The following HACE1 variants were observed in gnomAD, a reference collection of about 807,000 sequenced individuals.
The protein encoded by HACE1 is HECT domain and ankyrin repeat containing E3 ubiquitin protein ligase 1.
A neutral mutation model predicts 118.4 loss-of-function variants in HACE1; 73 were observed. The ratio of observed to expected loss-of-function variants is 0.62; its 90% CI spans 0.51 to 0.75. The LOEUF (loss-of-function observed/expected upper bound fraction) is 0.75. HACE1 is among the 30% of genes least tolerant of loss of function. The pLI is 0.00. For missense variants in HACE1, 749 were observed against 1,102.2 expected (o/e 0.68, Z 4.54); for synonymous variants, 368 against 374.8 (o/e 0.98, Z 0.21).
Position 104,859,829 on chromosome 6 carries a change from C to A in HACE1, c.-187G>T. The A allele has an allele frequency of 3.6e-6, 2 of 552,092 alleles. No individual in the cohort carries two copies. The highest frequency in any genetic ancestry group is 6.2e-6 in the Non-Finnish European group (2 of 320,750). 34.2% of individuals were successfully genotyped at this position (552,092 alleles called of 1,614,324 possible). ...TCCGGGGGCCGGGCTGCTGCCGGACCGACCACCTACAGTACACCCGCCGCC... is the reference window on the plus strand; with the variant it reads ...TCCGGGGGCCGGGCTGCTGCCGGACAGACCACCTACAGTACACCCGCCGCC... On this transcript the variant is annotated 5_prime_UTR_variant, in exon 1 of 24. Transcript: ENST00000262903.
chr6:104,773,815 G>A (rs1247222483), intron 17 of HACE1, among the ~76,000 whole-genome samples: 1 of 149,358 alleles, frequency 6.7e-6, no homozygotes, highest in African/African-American at 2.5e-5. Flanking sequence ...CTTCAGAAAA[G>A]GAGTAACAGT....
intron 22 of HACE1, among the ~76,000 whole-genome samples, chr6:104,738,143 A>C (rs561965545): frequency 6.6e-6 from 1 of 151,834 alleles, no homozygotes; most frequent in Admixed American, 6.5e-5. Context: ...AACAGAAAGG[A>C]CATCCACACC....
At chr6:104,736,728 T>C (rs1204000494) in intron 22 of HACE1, among the ~76,000 whole-genome samples, 1 of 152,178 alleles carries the variant, frequency 6.6e-6, no homozygotes, top group Non-Finnish European at 1.5e-5. Context: ...ATAAAAATAC[T>C]GCTTACTTGG....
At chr6:104,817,035 GAAGT>G (rs1199123690) in intron 6 of HACE1, among the ~76,000 whole-genome samples, 1 of 152,162 alleles carries the variant, frequency 6.6e-6, no homozygotes, top group Non-Finnish European at 1.5e-5. Context: ...CTGTATCTTG[GAAGT>G]AACTAACTTG....
chr6:104,831,683 G>A (rs1316685783), intron 6 of HACE1, among the ~76,000 whole-genome samples: 1 of 151,840 alleles, frequency 6.6e-6, no homozygotes, highest in Admixed American at 6.6e-5. Context: ...CATGAGGTCG[G>A]GAGATTGAGA....
chr6:104,855,554 T>C (rs1050048793), intron 1 of HACE1, among the ~76,000 whole-genome samples: 10 of 152,312 alleles, frequency 6.6e-5, no homozygotes, highest in Non-Finnish European at 1.0e-4. Context: ...ATTCTTAATA[T>C]GTAAAATAGA....
At chr6:104,817,080 G>GGACTTATCTGTCTCAGATGA (rs1340841465) in intron 6 of HACE1, among the ~76,000 whole-genome samples, 1 of 152,114 alleles carries the variant, frequency 6.6e-6, no homozygotes, top group Non-Finnish European at 1.5e-5. Flanking sequence ...TAGGCAGAAG[G>GGACTTATCTGTCTCAGATGA]GACTTATCTG....
chr6:104,830,186 T>A (rs1257159358), intron 6 of HACE1, among the ~76,000 whole-genome samples: 1 of 152,212 alleles, frequency 6.6e-6, no homozygotes, highest in Non-Finnish European at 1.5e-5. Flanking sequence ...AAGCAGGTGC[T>A]CTTCTGTCCT....
chr6:104,847,501 T>C (rs1197915606), intron 4 of HACE1, among the ~76,000 whole-genome samples: 4 of 152,200 alleles, frequency 2.6e-5, no homozygotes, highest in African/African-American at 9.7e-5. Context: ...CAGTGGACAA[T>C]TAAACTGGCT....
intron 19 of HACE1, among the ~76,000 whole-genome samples, chr6:104,755,319 A>T (rs750459875): frequency 3.3e-5 from 5 of 152,220 alleles, no homozygotes; most frequent in Non-Finnish European, 5.9e-5. Context: ...AGACTCCCAC[A>T]CAATAATAGT....
chr6:104,809,966 G>A (rs954014423), intron 7 of HACE1, among the ~76,000 whole-genome samples: 3 of 151,966 alleles, frequency 2.0e-5, no homozygotes, highest in Non-Finnish European at 4.4e-5. Flanking sequence ...GAAAAACTGG[G>A]GGAAAGGTTT....
intron 6 of HACE1, among the ~76,000 whole-genome samples, chr6:104,814,959 T>C (rs1310310960): frequency 6.5e-5 from 9 of 138,658 alleles, no homozygotes; most frequent in Non-Finnish European, 1.1e-4. Flanking sequence ...TTACTCAGTC[T>C]CAAGTAGTTC....
chr6:104,776,813 G>C lies in HACE1; in HGVS notation c.1792C>G (p.Arg598Gly). Residue 598 changes from arginine to glycine, a missense_variant, in exon 17 of 24, where the codon CGT becomes GGT. Physicochemically the swap from Arg to Gly is moderately radical, Grantham distance 125 (BLOSUM62 -2). Around this residue, in one of 5 missense-constraint regions of HACE1, gnomAD observed 195 missense variants for 322.1 expected, o/e 0.61. Coordinates refer to ENST00000262903, the MANE Select transcript of HACE1 (RefSeq NM_020771.4). The part of the protein sequence containing the change: ...GEEGMGQGVV[R>G]EWFDILSNEI... ...TTGGACAGAATATCAAACCACTCAC[G>C]CACAACACCTTGACCCTGAATTCAA... is the stretch of plus-strand genomic sequence containing the variant. 1 of 1,603,728 alleles carries C rather than the reference G, an allele frequency of 6.2e-7. No homozygotes were observed. The highest frequency in any genetic ancestry group is 8.5e-7 in the Non-Finnish European group (1 of 1,170,710).
intron 22 of HACE1, among the ~76,000 whole-genome samples, chr6:104,739,060 G>A (rs1414794243): frequency 1.3e-5 from 2 of 150,752 alleles, no homozygotes; most frequent in Non-Finnish European, 2.9e-5. Flanking sequence ...TTCATATCCA[G>A]CCAAACTAAG....
intron 1 of HACE1, among the ~76,000 whole-genome samples, chr6:104,853,018 T>C (rs1395025288): frequency 1.1e-4 from 16 of 152,158 alleles, no homozygotes; most frequent in Admixed American, 9.2e-4. Context: ...CTACCAAAAG[T>C]TCATGTGTTG....
intron 7 of HACE1, among the ~76,000 whole-genome samples, chr6:104,808,613 ATATAT>A (rs140674995): frequency 0.013 from 1,908 of 151,444 alleles, 24 homozygotes; most frequent in South Asian, 0.039. Context: ...ATATGATATA[ATATAT>A]TATATCTAGT....
chr6:104,846,060 T>C (rs1775640450), intron 4 of HACE1, among the ~76,000 whole-genome samples: 1 of 152,168 alleles, frequency 6.6e-6, no homozygotes, highest in African/African-American at 2.4e-5. Flanking sequence ...AAAAAAGTGT[T>C]TATGGTAGGG....
chr6:104,782,031 T>C (rs1419812473), intron 14 of HACE1, among the ~76,000 whole-genome samples: 1 of 151,926 alleles, frequency 6.6e-6, no homozygotes, highest in Non-Finnish European at 1.5e-5. Context: ...TTTGCTATTT[T>C]AATTTGACAA....
chr6:104,783,365 A>G (rs1781947241), intron 14 of HACE1, among the ~76,000 whole-genome samples: 1 of 152,240 alleles, frequency 6.6e-6, no homozygotes, highest in East Asian at 1.9e-4. Context: ...AGACTGAATT[A>G]GAATCCTCTT....
Sources: allele counts gnomAD v4.1 joint callset (sites outside exome capture counted in the v4.1 genomes callset), GRCh38; gene constraint gnomAD v4.1.1; regional missense constraint gnomAD v4.1.1; transcripts MANE v1.5; gene names NCBI Gene and HGNC (gene_info 2026-07-23, HGNC 2026-07-21).